Variants in PCDH7 observed in about 807,000 individuals in gnomAD.
PCDH7 encodes the protein protocadherin-7.
PCDH7 carries 17 observed loss-of-function variants against 58.9 expected under a neutral mutation model. That is an observed-to-expected ratio of 0.29 (90% CI 0.20 to 0.43). PCDH7 has a LOEUF of 0.43. Ranked by LOEUF, PCDH7 falls within the 20% of genes least tolerant of loss-of-function variation. PCDH7 has a pLI of 1.00. For synonymous variants in PCDH7, 664 were observed against 616.4 expected, an observed-to-expected ratio of 1.08 and a Z score of -1.14; for missense variants, 1,274 against 1,441.0, an observed-to-expected ratio of 0.88 and a Z score of 1.88.
chr4:30,930,767 G>T (rs112674033), intron 2 of PCDH7, among the ~76,000 whole-genome samples: 1 of 147,336 alleles, frequency 6.8e-6, no homozygotes, highest in Non-Finnish European at 1.5e-5. Flanking sequence ...CCCTGTCTCT[G>T]CAAAAAAAAA....
chr4:31,012,035 T>G (rs1753228454), intron 3 of PCDH7, among the ~76,000 whole-genome samples: 1 of 152,018 alleles, frequency 6.6e-6, no homozygotes, highest in Non-Finnish European at 1.5e-5. Flanking sequence ...ATTAGGAAAA[T>G]TTTAGTCAGC....
At chr4:31,071,489 G>A (rs1183946911) in intron 3 of PCDH7, among the ~76,000 whole-genome samples, 1 of 152,000 alleles carries the variant, frequency 6.6e-6, no homozygotes, top group Non-Finnish European at 1.5e-5. Flanking sequence ...TATTTGACAA[G>A]CTCACCCTAT....
intron 3 of PCDH7, among the ~76,000 whole-genome samples, chr4:31,124,258 G>A (rs1718029275): frequency 6.6e-6 from 1 of 152,148 alleles, no homozygotes; most frequent in Non-Finnish European, 1.5e-5. Flanking sequence ...GTGCTTCTAT[G>A]TGTATACCAT....
chr4:30,949,919 G>C (rs76227666), intron 2 of PCDH7, among the ~76,000 whole-genome samples: 5,791 of 152,172 alleles, frequency 0.038, 379 homozygotes, highest in African/African-American at 0.13. Context: ...AATCATAGTT[G>C]AAAGACTGTT....
At chr4:30,959,102 A>G (rs1321296894) in intron 3 of PCDH7, among the ~76,000 whole-genome samples, 1 of 152,120 alleles carries the variant, frequency 6.6e-6, no homozygotes, top group East Asian at 1.9e-4. Flanking sequence ...AGATGTTACA[A>G]TTCAAGCGTT....
downstream of PCDH7, chr4:31,143,985 A>G (rs1179008273): frequency 6.6e-6 from 1 of 152,226 alleles, no homozygotes; most frequent in Non-Finnish European, 1.5e-5. Flanking sequence ...AATAGTATTT[A>G]TGGATCATGG....
At chr4:30,783,718 C>T (rs529032583) in intron 1 of PCDH7, among the ~76,000 whole-genome samples, 8 of 152,258 alleles carry the variant, frequency 5.3e-5, no homozygotes, top group African/African-American at 1.7e-4. Flanking sequence ...CTGCATAATT[C>T]AGTTTTCTTC....
chr4:31,089,884 A>T (rs915075891), intron 3 of PCDH7, among the ~76,000 whole-genome samples: 14 of 152,116 alleles, frequency 9.2e-5, no homozygotes, highest in Non-Finnish European at 1.9e-4. Context: ...GCTTTCAAAC[A>T]TTTCCGTCGA....
At chr4:31,078,758 A>C (rs1005204127) in intron 3 of PCDH7, among the ~76,000 whole-genome samples, 1 of 151,360 alleles carries the variant, frequency 6.6e-6, no homozygotes, top group African/African-American at 2.4e-5. Flanking sequence ...TTGGCAATAT[A>C]AATTTTAAGA....
At chr4:31,011,812 GA>G in intron 3 of PCDH7, among the ~76,000 whole-genome samples, 1 of 151,892 alleles carries the variant, frequency 6.6e-6, no homozygotes, top group East Asian at 1.9e-4. Context: ...ATTACATATG[GA>G]AAAACTGTAA....
chr4:30,898,704 C>A (rs1381194435), intron 1 of PCDH7, among the ~76,000 whole-genome samples: 1 of 152,176 alleles, frequency 6.6e-6, no homozygotes, highest in Non-Finnish European at 1.5e-5. Context: ...CAGTGTCCTG[C>A]GTGAGCCTCC....
At chr4:30,991,695 G>A (rs1376692634) in intron 3 of PCDH7, among the ~76,000 whole-genome samples, 2 of 152,200 alleles carry the variant, frequency 1.3e-5, no homozygotes, top group Non-Finnish European at 2.9e-5. Context: ...TTCTTTTGGA[G>A]AATCAGTATT....
chr4:30,969,351 T>A (rs1749336804), intron 3 of PCDH7, among the ~76,000 whole-genome samples: 1 of 152,174 alleles, frequency 6.6e-6, no homozygotes. Flanking sequence ...AGCTTGATTT[T>A]GTCTCTTTTT....
chr4:30,844,591 T>A (rs967750281), intron 1 of PCDH7, among the ~76,000 whole-genome samples: 2 of 152,068 alleles, frequency 1.3e-5, no homozygotes, highest in African/African-American at 4.8e-5. Context: ...TTAGAAAAAA[T>A]TTATGGAAAG....
At chr4:31,133,989 C>T (rs1387081702) in intron 3 of PCDH7, among the ~76,000 whole-genome samples, 4 of 152,084 alleles carry the variant, frequency 2.6e-5, no homozygotes, top group Non-Finnish European at 5.9e-5. Context: ...TAGAGCACTC[C>T]TAGGTATAAC....
intron 2 of PCDH7, among the ~76,000 whole-genome samples, chr4:30,945,046 A>G (rs997329414): frequency 1.3e-5 from 2 of 152,142 alleles, no homozygotes; most frequent in Non-Finnish European, 1.5e-5. Flanking sequence ...TAAGAAAAAT[A>G]TATCTCAGCT....
intron 1 of PCDH7, among the ~76,000 whole-genome samples, chr4:30,780,905 ACT>A (rs1261444674): frequency 1.3e-5 from 2 of 152,154 alleles, no homozygotes; most frequent in African/African-American, 4.8e-5. Flanking sequence ...AAATCCTCTC[ACT>A]GTTTTCTGAC....
At chr4:30,835,010 G>A (rs971780483) in intron 1 of PCDH7, among the ~76,000 whole-genome samples, 1 of 151,940 alleles carries the variant, frequency 6.6e-6, no homozygotes, top group Non-Finnish European at 1.5e-5. Flanking sequence ...GAGAATAGGA[G>A]AGCCATATAT....
chr4:31,120,608 A>C (rs1263028461), intron 3 of PCDH7, among the ~76,000 whole-genome samples: 1 of 151,968 alleles, frequency 6.6e-6, no homozygotes, highest in Non-Finnish European at 1.5e-5. Flanking sequence ...CACTTAAGTA[A>C]GTATATCTAG....
Sources: gnomAD v4.1 joint callset for allele counts (sites outside exome capture counted in the v4.1 genomes callset) on GRCh38, gnomAD v4.1.1 for gene constraint, MANE v1.5 for transcripts, NCBI Gene and HGNC (gene_info 2026-07-23, HGNC 2026-07-21) for gene names.